Variants in TAF1B observed in about 807,000 individuals in gnomAD.
TAF1B encodes TATA-box binding protein associated factor, RNA polymerase I subunit B.
TAF1B carries 61 observed loss-of-function variants against 83.9 expected under a neutral mutation model. The ratio of observed to expected loss-of-function variants is 0.73; its 90% CI spans 0.59 to 0.90. The LOEUF is 0.90. Ranked by LOEUF, TAF1B falls within the 40% of genes least tolerant of loss-of-function variation. TAF1B has a pLI of 0.00. For missense variants in TAF1B, 625 were observed against 677.0 expected (o/e 0.92, Z 0.85); for synonymous variants, 221 against 224.6 (o/e 0.98, Z 0.14).
At chr2:9,906,139 C>T (rs932116467) in intron 9 of TAF1B, among the ~76,000 whole-genome samples, 2 of 151,900 alleles carry the variant, frequency 1.3e-5, no homozygotes, top group Admixed American at 1.3e-4. Flanking sequence ...AGAGAGAATA[C>T]TGGGTTATGG....
intron 14 of TAF1B, 51 bp from the exon 15 acceptor site, chr2:9,933,732 A>C: frequency 6.7e-7 from 1 of 1,490,142 alleles, no homozygotes; most frequent in Non-Finnish European, 9.2e-7. Flanking sequence ...TAGTGTGTGC[A>C]TTTCTTGGTT....
At chr2:9,871,690 G>T (rs1013957340) in intron 6 of TAF1B, among the ~76,000 whole-genome samples, 2 of 152,046 alleles carry the variant, frequency 1.3e-5, no homozygotes, top group Non-Finnish European at 2.9e-5. Context: ...TGCTTGCAAG[G>T]TTATTTTCTC....
At chr2:9,888,935 C>T (rs1664776940) in intron 8 of TAF1B, among the ~76,000 whole-genome samples, 1 of 150,686 alleles carries the variant, frequency 6.6e-6, no homozygotes, top group South Asian at 2.1e-4. Flanking sequence ...TCCTGAGTAT[C>T]TGGGATTACA....
chr2:9,909,032 T>G (rs776152515), intron 9 of TAF1B, among the ~76,000 whole-genome samples: 8 of 152,346 alleles, frequency 5.3e-5, no homozygotes, highest in East Asian at 3.9e-4. Flanking sequence ...AAAAATACTT[T>G]GATGCGATAT....
At chr2:9,891,868 G>C (rs1287965441) in intron 8 of TAF1B, among the ~76,000 whole-genome samples, 1 of 152,164 alleles carries the variant, frequency 6.6e-6, no homozygotes, top group African/African-American at 2.4e-5. Flanking sequence ...TGTATTACAG[G>C]AGTCAAAAAG....
intron 14 of TAF1B, among the ~76,000 whole-genome samples, chr2:9,932,514 A>G (rs976781709): frequency 6.6e-6 from 1 of 152,154 alleles, no homozygotes; most frequent in South Asian, 2.1e-4. Flanking sequence ...CAGAACAGCA[A>G]ATATTGCTGC....
intron 14 of TAF1B, among the ~76,000 whole-genome samples, chr2:9,924,017 T>C (rs570909561): frequency 6.6e-6 from 1 of 152,182 alleles, no homozygotes; most frequent in East Asian, 1.9e-4. Flanking sequence ...AATACTGCAG[T>C]ATAATGCAGT....
At chr2:9,848,387 C>A (rs1392213257) in intron 2 of TAF1B, among the ~76,000 whole-genome samples, 2 of 152,152 alleles carry the variant, frequency 1.3e-5, no homozygotes, top group African/African-American at 4.8e-5. Flanking sequence ...ATAATGGGGG[C>A]TGGGCACGGT....
chr2:9,845,162 G>A (rs1224027681), intron 1 of TAF1B, 58 bp from the exon 2 acceptor site: 2 of 1,297,472 alleles, frequency 1.5e-6, no homozygotes, highest in Non-Finnish European at 2.2e-6. Context: ...CAAGGTTTAG[G>A]TACGATGTAT....
chr2:9,866,518 GT>G (rs1319165640), intron 5 of TAF1B, among the ~76,000 whole-genome samples: 2 of 152,194 alleles, frequency 1.3e-5, no homozygotes, highest in Non-Finnish European at 2.9e-5. Flanking sequence ...CATTGTGGAA[GT>G]CAGTGTGGCG....
intron 7 of TAF1B, among the ~76,000 whole-genome samples, chr2:9,882,440 C>A (rs1224284014): frequency 6.6e-6 from 1 of 152,160 alleles, no homozygotes; most frequent in Non-Finnish European, 1.5e-5. Flanking sequence ...GGGGTACAAG[C>A]ATGTGCCACT....
chr2:9,882,090 G>C (rs1416706778), intron 7 of TAF1B, among the ~76,000 whole-genome samples: 1 of 152,038 alleles, frequency 6.6e-6, no homozygotes, highest in African/African-American at 2.4e-5. Flanking sequence ...TAACAAGTAG[G>C]ATACACACTT....
intron 5 of TAF1B, among the ~76,000 whole-genome samples, chr2:9,858,342 G>A (rs1327922792): frequency 1.3e-5 from 2 of 152,178 alleles, no homozygotes; most frequent in African/African-American, 4.8e-5. Flanking sequence ...AAGGTCTTGG[G>A]CAGCTTTGCT....
chr2:9,845,952 C>A, intron 2 of TAF1B: 2 of 401,626 alleles, frequency 5.0e-6, no homozygotes, highest in Admixed American at 2.9e-5. Context: ...CACTGTACTC[C>A]AGCCTGGGCA....
chr2:9,854,928 A>C (rs1663510943), intron 5 of TAF1B, among the ~76,000 whole-genome samples: 1 of 152,094 alleles, frequency 6.6e-6, no homozygotes, highest in African/African-American at 2.4e-5. Context: ...GCCATGTAAC[A>C]TTTTATTTGG....
At chr2:9,881,403 C>A (rs1218397421) in intron 7 of TAF1B, among the ~76,000 whole-genome samples, 1 of 152,002 alleles carries the variant, frequency 6.6e-6, no homozygotes, top group African/African-American at 2.4e-5. Flanking sequence ...AAATGTCAGC[C>A]CAGCTCTTCA....
chr2:9,843,968 C>G (rs1663113363), intron 1 of TAF1B, among the ~76,000 whole-genome samples: 1 of 151,968 alleles, frequency 6.6e-6, no homozygotes, highest in Non-Finnish European at 1.5e-5. Context: ...CCCTGTCGGT[C>G]TCTCCGGGAA....
chr2:9,875,836 T>G, intron 6 of TAF1B, 29 bp from the exon 7 acceptor site: 1 of 1,548,074 alleles, frequency 6.5e-7, no homozygotes, highest in Non-Finnish European at 8.8e-7. Flanking sequence ...GTTCACTGGA[T>G]TTTTAAAAAT....
At chr2:9,865,676 C>G (rs961696781) in intron 5 of TAF1B, among the ~76,000 whole-genome samples, 14 of 152,070 alleles carry the variant, frequency 9.2e-5, no homozygotes, top group Admixed American at 3.3e-4. Context: ...CGCTACCTGA[C>G]TTCAAACTAT....
Sources: gnomAD v4.1 joint callset for allele counts (sites outside exome capture counted in the v4.1 genomes callset) on GRCh38, gnomAD v4.1.1 for gene constraint, MANE v1.5 for transcripts, NCBI Gene and HGNC (gene_info 2026-07-23, HGNC 2026-07-21) for gene names.